Variants in COL4A4 observed in about 807,000 individuals in gnomAD.
COL4A4 encodes collagen type IV alpha 4 chain.
COL4A4 carries 105 observed loss-of-function variants against 192.9 expected under a neutral mutation model. The ratio of observed to expected loss-of-function variants is 0.54; its 90% confidence interval spans 0.46 to 0.64. The LOEUF is 0.64. Among genes scored for constraint, COL4A4 ranks in the 30% least tolerant of loss-of-function variants. The pLI is 0.00. For synonymous variants in COL4A4, 762 were observed against 769.9 expected, an observed-to-expected ratio of 0.99 and a Z score of 0.17; for missense variants, 1,967 against 2,169.3, an observed-to-expected ratio of 0.91 and a Z score of 1.85.
chr2:227,097,501 T>G (rs149065889), intron 19 of COL4A4, among the ~76,000 whole-genome samples: 4 of 152,320 alleles, frequency 2.6e-5, no homozygotes, highest in African/African-American at 9.6e-5. Context: ...ATTTATTTTT[T>G]AAAACCTTGT....
At chr2:226,967,507 T>C in the COL4A4 span, among the ~76,000 whole-genome samples, 1 of 151,342 alleles carries the variant, frequency 6.6e-6, no homozygotes, top group African/African-American at 2.4e-5. Context: ...TAACATTAGG[T>C]ATATCTCCTA....
the COL4A4 span, among the ~76,000 whole-genome samples, chr2:226,989,577 A>T: frequency 6.6e-6 from 1 of 152,208 alleles, no homozygotes; most frequent in South Asian, 2.1e-4. Flanking sequence ...CAATTGTCCC[A>T]CAAATATTCT....
At chr2:227,015,799 G>A (rs1010859248) in intron 44 of COL4A4, among the ~76,000 whole-genome samples, 29 of 152,154 alleles carry the variant, frequency 1.9e-4, no homozygotes, top group Admixed American at 1.8e-3. Flanking sequence ...AATACGCAAT[G>A]ACATAGAAGT....
At chr2:227,147,958 TCTTTTA>T (rs889420149) in intron 1 of COL4A4, among the ~76,000 whole-genome samples, 1 of 152,000 alleles carries the variant, frequency 6.6e-6, no homozygotes, top group Non-Finnish European at 1.5e-5. Context: ...CTCAAATGCT[TCTTTTA>T]CTTTATGAAA....
the COL4A4 span, among the ~76,000 whole-genome samples, chr2:226,969,324 T>G: frequency 6.6e-6 from 1 of 151,782 alleles, no homozygotes; most frequent in East Asian, 1.9e-4. Context: ...AAAACATCCC[T>G]GTATATAAGT....
At chr2:227,036,570 C>T (rs1312936301) in intron 37 of COL4A4, among the ~76,000 whole-genome samples, 2 of 152,260 alleles carry the variant, frequency 1.3e-5, no homozygotes, top group Admixed American at 1.3e-4. Context: ...TTCTTATTAA[C>T]AAAGATTCTG....
intron 46 of COL4A4, among the ~76,000 whole-genome samples, chr2:227,009,656 C>T (rs1357157287): frequency 6.7e-6 from 1 of 149,718 alleles, no homozygotes; most frequent in African/African-American, 2.5e-5. Flanking sequence ...CAAGGTTGTG[C>T]CACTGCACTC....
At chr2:227,117,022 T>A (rs535566550) in intron 7 of COL4A4, among the ~76,000 whole-genome samples, 1 of 152,224 alleles carries the variant, frequency 6.6e-6, no homozygotes, top group Admixed American at 6.5e-5. Context: ...AGTTTTTTCA[T>A]TTCCTTATAT....
At chr2:227,041,846 A>AAAAGAGAGAGAGAG (rs1971275697) in intron 37 of COL4A4, among the ~76,000 whole-genome samples, 24 of 39,318 alleles carry the variant, frequency 6.1e-4, no homozygotes, top group South Asian at 1.1e-3. Flanking sequence ...GAAAGAAAGA[A>AAAAGAGAGAGAGAG]AGAGAAAGAA....
At chr2:227,140,135 C>T (rs1404956679) in intron 4 of COL4A4, 26 bp downstream of exon 4, 8 of 1,589,078 alleles carry the variant, frequency 5.0e-6, no homozygotes, top group Admixed American at 1.7e-5. Context: ...AGGAATGCTG[C>T]CCATGTTGGT....
chr2:227,011,189 G>A (rs940056435), intron 45 of COL4A4, among the ~76,000 whole-genome samples: 6 of 152,180 alleles, frequency 3.9e-5, no homozygotes, highest in Non-Finnish European at 8.8e-5. Context: ...GCCAGGAGCT[G>A]TTTCTAATTG....
At chr2:227,143,774 C>A (rs2063374341) in intron 3 of COL4A4, among the ~76,000 whole-genome samples, 1 of 152,162 alleles carries the variant, frequency 6.6e-6, no homozygotes, top group African/African-American at 2.4e-5. Flanking sequence ...GTCTTATCAT[C>A]CCTACTCAAT....
At chr2:227,088,578 T>C in intron 22 of COL4A4, 75 bp downstream of exon 22, 1 of 1,555,508 alleles carries the variant, frequency 6.4e-7, no homozygotes, top group Non-Finnish European at 8.9e-7. Flanking sequence ...TTGGGTAGTA[T>C]CTTTATGGTA....
At chr2:227,053,657 C>T (rs1974659621) in intron 31 of COL4A4, among the ~76,000 whole-genome samples, 1 of 150,142 alleles carries the variant, frequency 6.7e-6, no homozygotes, top group Non-Finnish European at 1.5e-5. Flanking sequence ...ACACCATTCT[C>T]CTGCCTCAGC....
chr2:227,046,976 T>G (rs898936448), intron 35 of COL4A4, among the ~76,000 whole-genome samples: 1 of 152,106 alleles, frequency 6.6e-6, no homozygotes, highest in Non-Finnish European at 1.5e-5. Flanking sequence ...TGATTTGGTT[T>G]GATTTTTAGT....
chr2:227,157,008 C>G (rs999055212), intron 1 of COL4A4, among the ~76,000 whole-genome samples: 1 of 152,144 alleles, frequency 6.6e-6, no homozygotes, highest in Non-Finnish European at 1.5e-5. Flanking sequence ...TACTAGGACA[C>G]TATACCAAGC....
chr2:227,103,114 G>GA lies in COL4A4; in HGVS notation c.870+29dup, dbSNP rs10707643. On this transcript the variant is annotated intron_variant, in intron 14 of 47. Transcript: ENST00000396625. Reference sequence around the variant, plus strand: ...AGTTAAGATAGTACATCACACAAATGAAAAAAAAAAAGGTACTTAAATAAA... The same window carrying GA: ...AGTTAAGATAGTACATCACACAAATGAAAAAAAAAAAAGGTACTTAAATAAA... 4.3e-3 allele frequency: 5,864 copies of GA among 1,379,198 alleles called. 1 individual carries two copies. Among genetic ancestry groups the GA allele is most frequent in the East Asian group, 0.013 (522 of 40,038 alleles). The allele number at this position is 1,379,198 out of a possible 1,614,324, so 85.4% of individuals were successfully genotyped here. A position where few individuals can be genotyped will look rare whatever the true frequency, so the allele number is the denominator to read the frequency against.
At chr2:227,053,149 T>C (rs1460222852) in intron 31 of COL4A4, among the ~76,000 whole-genome samples, 4 of 152,144 alleles carry the variant, frequency 2.6e-5, no homozygotes, top group African/African-American at 4.8e-5. Context: ...CAAATTTTAA[T>C]TTTTAGTGGG....
In COL4A4 at chr2:227,123,759, C is replaced by T. The variant is rs1188510561; in HGVS notation, c.193-2611G>A. Among the ~76,000 whole-genome samples, 6 of 152,316 alleles carry T rather than the reference C, an allele frequency of 3.9e-5. No individual in the cohort carries two copies. Among genetic ancestry groups the T allele is most frequent in the South Asian group, 2.1e-4 (1 of 4,818 alleles). ...ACAGAAACAACAGGTCTGAGGAAGA[C>T]GTGTGGGACCCCAAAAGCACGTGCA... On this transcript the variant is annotated intron_variant, in intron 4 of 47. Transcript: ENST00000396625. This position sits in a 1 kb window ranked among gnomAD's most constrained non-coding sequence, Gnocchi z 4.6.
Sources: allele counts gnomAD v4.1 joint callset (sites outside exome capture counted in the v4.1 genomes callset), GRCh38; gene constraint gnomAD v4.1.1; non-coding constraint Gnocchi (gnomAD v3.1); transcripts MANE v1.5; gene names NCBI Gene and HGNC (gene_info 2026-07-23, HGNC 2026-07-21).